ANOS1: variants seen among roughly 807,000 people sequenced by gnomAD.
ANOS1 encodes the protein anosmin 1, also known as anosmin-1.
A neutral mutation model predicts 59.0 loss-of-function variants in ANOS1; 6 were observed. The ratio of observed to expected loss-of-function variants is 0.10; its 90% CI spans 0.06 to 0.20. The LOEUF (loss-of-function observed/expected upper bound fraction) is 0.20. ANOS1 is among the 10% of genes least tolerant of loss of function. ANOS1 has a pLI of 1.00. For synonymous variants in ANOS1, 217 were observed against 223.4 expected, an observed-to-expected ratio of 0.97 and a Z score of 0.25; for missense variants, 433 against 542.3, an observed-to-expected ratio of 0.80 and a Z score of 2.00.
chrX:8,685,629 AAAGAAAG>A (rs1368214708), intron 2 of ANOS1, among the ~76,000 whole-genome samples: 1 of 104,302 alleles, frequency 9.6e-6, no homozygotes. Context: ...AGAAAGAAAG[AAAGAAAG>A]AAAGAAAGAA....
chrX:8,561,466 ATTTTTT>A (rs34119310), intron 8 of ANOS1, among the ~76,000 whole-genome samples: 1 of 67,059 alleles, frequency 1.5e-5, no homozygotes, highest in African/African-American at 5.7e-5. Context: ...TGCCCGGCTA[ATTTTTT>A]TTTTTTTTTT....
intron 6 of ANOS1, among the ~76,000 whole-genome samples, chrX:8,580,484 A>T (rs1364626938): frequency 8.0e-5 from 9 of 112,206 alleles, no homozygotes; most frequent in Non-Finnish European, 1.5e-4. Flanking sequence ...GCATGAAACT[A>T]ATTTACTAAT....
intron 6 of ANOS1, among the ~76,000 whole-genome samples, chrX:8,583,121 C>CA (rs1930453928): frequency 9.4e-5 from 8 of 85,270 alleles, no homozygotes; most frequent in Non-Finnish European, 1.9e-4. Context: ...ATGCTTTTGG[C>CA]CTTTTTTTTT....
Position 8,732,127 on chromosome X carries a change from A to C in ANOS1, c.-91T>G, listed in dbSNP as rs1236390. On this transcript the variant is annotated 5_prime_UTR_variant, in exon 1 of 14. Transcript: ENST00000262648. Reference sequence around the variant, plus strand: ...GGCTGCACTGCTGAGGACCAGGCAGACGCCGCGACTGAGCCGGAAAGTTCA... The same window carrying C: ...GGCTGCACTGCTGAGGACCAGGCAGCCGCCGCGACTGAGCCGGAAAGTTCA... The C allele has an allele frequency of 0.43, 301,177 of 694,685 alleles. 48,297 individuals are homozygous for C. The highest frequency in any genetic ancestry group is 0.62 in the African/African-American group (26,609 of 43,210). The allele number at this position is 694,685 out of a possible 1,213,427, so 57.2% of individuals were successfully genotyped here. A position where few individuals can be genotyped will look rare whatever the true frequency, so the allele number is the denominator to read the frequency against.
intron 2 of ANOS1, among the ~76,000 whole-genome samples, chrX:8,683,629 T>C (rs1932460987): frequency 8.9e-6 from 1 of 112,084 alleles, no homozygotes; most frequent in African/African-American, 3.2e-5. Context: ...TGGCCAAAAA[T>C]AGAATTCTTG....
chrX:8,632,295 GAA>G (rs556491423), intron 2 of ANOS1, among the ~76,000 whole-genome samples: 1 of 112,023 alleles, frequency 8.9e-6, no homozygotes, highest in South Asian at 3.7e-4. Flanking sequence ...ATAAAACAGT[GAA>G]AAAATATTTG....
chrX:8,689,582 C>T (rs1932573991), intron 2 of ANOS1, among the ~76,000 whole-genome samples: 1 of 109,110 alleles, frequency 9.2e-6, no homozygotes, highest in Non-Finnish European at 1.9e-5. Flanking sequence ...GTGGCACATG[C>T]CTGTAGTCCC....
At chrX:8,586,238 C>A (rs1930507676) in intron 5 of ANOS1, among the ~76,000 whole-genome samples, 1 of 111,780 alleles carries the variant, frequency 8.9e-6, no homozygotes, top group Non-Finnish European at 1.9e-5. Context: ...TTTGAACACT[C>A]CCAAACTTCA....
chrX:8,575,754 C>G (rs1253468240), intron 6 of ANOS1, among the ~76,000 whole-genome samples: 5 of 111,202 alleles, frequency 4.5e-5, no homozygotes, highest in African/African-American at 1.3e-4. Flanking sequence ...TGGCAAACTT[C>G]CATTACCAAG....
At chrX:8,594,676 A>G (rs1299995271) in intron 4 of ANOS1, among the ~76,000 whole-genome samples, 3 of 57,409 alleles carry the variant, frequency 5.2e-5, no homozygotes, top group African/African-American at 2.4e-4. Flanking sequence ...ATATATATAT[A>G]TATATATATA....
At chrX:8,719,132 GAC>G (rs1179513484) in intron 1 of ANOS1, among the ~76,000 whole-genome samples, 3 of 111,768 alleles carry the variant, frequency 2.7e-5, no homozygotes, top group Non-Finnish European at 1.9e-5. Flanking sequence ...TTGATGGGGT[GAC>G]ACATGTCAAT....
At chrX:8,609,427 CG>C (rs1233903035) in intron 3 of ANOS1, among the ~76,000 whole-genome samples, 2 of 111,348 alleles carry the variant, frequency 1.8e-5, no homozygotes, top group African/African-American at 6.5e-5. Context: ...GTTCACTTTT[CG>C]ATGTAAAGAG....
chrX:8,642,809 C>T (rs1931687489), intron 2 of ANOS1, among the ~76,000 whole-genome samples: 1 of 111,407 alleles, frequency 9.0e-6, no homozygotes, highest in African/African-American at 3.3e-5. Context: ...TTTGAAGTTG[C>T]AGCCAGAAAA....
At chrX:8,726,969 GCCACT>G (rs1330465979) in intron 1 of ANOS1, among the ~76,000 whole-genome samples, 1 of 111,959 alleles carries the variant, frequency 8.9e-6, no homozygotes, top group Non-Finnish European at 1.9e-5. Flanking sequence ...ATGAGGAACC[GCCACT>G]CCAAAGTAGG....
At chrX:8,568,082 T>C (rs1221125262) in intron 8 of ANOS1, 150 bp downstream of exon 8, 2 of 567,693 alleles carry the variant, frequency 3.5e-6, no homozygotes, top group African/African-American at 2.2e-5. Context: ...TATGTCGTAG[T>C]TTAAATACTT....
chrX:8,534,492 C>T (rs1332724434), intron 12 of ANOS1, 32 bp from the exon 13 acceptor site: 2 of 1,198,671 alleles, frequency 1.7e-6, no homozygotes, highest in Non-Finnish European at 2.3e-6. Flanking sequence ...GCATGCTCAC[C>T]GACAACCTTT....
At chrX:8,680,921 C>T (rs1291191074) in intron 2 of ANOS1, among the ~76,000 whole-genome samples, 4 of 111,877 alleles carry the variant, frequency 3.6e-5, no homozygotes, top group African/African-American at 6.5e-5. Context: ...TAAATTTCCC[C>T]TTTGTAAAGG....
At chrX:8,584,121 G>C (rs901763280) in intron 6 of ANOS1, among the ~76,000 whole-genome samples, 1 of 112,252 alleles carries the variant, frequency 8.9e-6, no homozygotes, top group East Asian at 2.8e-4. Flanking sequence ...TATTCACAGA[G>C]CACCAGCCCA....
At chrX:8,542,206 C>A (rs781447970) in intron 9 of ANOS1, among the ~76,000 whole-genome samples, 2 of 111,291 alleles carry the variant, frequency 1.8e-5, no homozygotes, top group African/African-American at 6.5e-5. Context: ...CTGAGCTAGT[C>A]CCTTGAAGAG....
Sources: allele counts gnomAD v4.1 joint callset (sites outside exome capture counted in the v4.1 genomes callset), GRCh38; gene constraint gnomAD v4.1.1; transcripts MANE v1.5; gene names NCBI Gene and HGNC (gene_info 2026-07-23, HGNC 2026-07-21).